The following PIP4K2A variants were observed in gnomAD, a reference collection of about 807,000 sequenced individuals.
PIP4K2A encodes the protein phosphatidylinositol 5-phosphate 4-kinase type-2 alpha.
PIP4K2A carries 14 observed loss-of-function variants against 42.9 expected under a neutral mutation model. The observed-to-expected ratio is 0.33, with a 90% CI of 0.22 to 0.51. The LOEUF (loss-of-function observed/expected upper bound fraction) is 0.51, where lower values mean the gene tolerates loss of function less well. Among genes scored for constraint, PIP4K2A ranks in the 20% least tolerant of loss-of-function variants. The probability of loss-of-function intolerance (pLI) is 0.97; values close to 1 mark genes in which losing one functional copy is unlikely to be tolerated. For missense variants in PIP4K2A, 434 were observed against 519.8 expected, an observed-to-expected ratio of 0.83 and a Z score of 1.61; for synonymous variants, 192 against 192.2, an observed-to-expected ratio of 1.00 and a Z score of 0.01.
intron 7 of PIP4K2A, 152 bp downstream of exon 7, chr10:22,550,507 C>T (rs1460646033): frequency 1.5e-5 from 10 of 653,434 alleles, no homozygotes; most frequent in Non-Finnish European, 2.7e-5. Context: ...GATCATGTAA[C>T]ATGAGACACC....
intron 6 of PIP4K2A, among the ~76,000 whole-genome samples, chr10:22,564,847 C>T (rs747398709): frequency 1.3e-5 from 2 of 152,228 alleles, no homozygotes; most frequent in African/African-American, 2.4e-5. Context: ...AGGTCCCCAG[C>T]GATTTCCCTG....
At chr10:22,674,195 C>G (rs912430695) in intron 1 of PIP4K2A, among the ~76,000 whole-genome samples, 1 of 152,136 alleles carries the variant, frequency 6.6e-6, no homozygotes, top group Non-Finnish European at 1.5e-5. Flanking sequence ...TTCCAGCAAC[C>G]AGCAGACACT....
chr10:22,690,116 C>G (rs1839834928), intron 1 of PIP4K2A, among the ~76,000 whole-genome samples: 1 of 152,116 alleles, frequency 6.6e-6, no homozygotes. Flanking sequence ...TAAATAACAG[C>G]AAACAGGGCC....
At chr10:22,576,543 A>G (rs148764728) in intron 4 of PIP4K2A, among the ~76,000 whole-genome samples, 1 of 152,300 alleles carries the variant, frequency 6.6e-6, no homozygotes, top group East Asian at 1.9e-4. Flanking sequence ...TACACAGCTA[A>G]GAGCCCTCCC....
intron 1 of PIP4K2A, among the ~76,000 whole-genome samples, chr10:22,624,109 C>G (rs1838388159): frequency 6.6e-6 from 1 of 152,178 alleles, no homozygotes; most frequent in Non-Finnish European, 1.5e-5. Flanking sequence ...TGAAGACAAA[C>G]AACTCTAGTT....
At chr10:22,604,731 G>T (rs542203244) in intron 3 of PIP4K2A, among the ~76,000 whole-genome samples, 1 of 152,150 alleles carries the variant, frequency 6.6e-6, no homozygotes, top group South Asian at 2.1e-4. Flanking sequence ...AGAGGCGGCC[G>T]GTGGGAGACT....
Position 22,591,723 on chromosome 10 carries a change from C to T in PIP4K2A, c.398G>A (p.Arg133His), listed in dbSNP as rs1474783370. 15 of 1,613,472 alleles carry T rather than the reference C, an allele frequency of 9.3e-6. No individual in the cohort carries two copies. Among genetic ancestry groups the T allele is most frequent in the Admixed American group, 6.7e-5 (4 of 59,950 alleles). Reference sequence around the variant, plus strand: ...TCTTTTGTCGTAGGAAGTGTGAAAACGAGCTCCACTGCGGGCCTGGGAGTC... The same window carrying T: ...TCTTTTGTCGTAGGAAGTGTGAAAATGAGCTCCACTGCGGGCCTGGGAGTC... ...PNDSQARSGA[R>H]FHTSYDKRYI... Residue 133 changes from arginine to histidine, a missense_variant, in exon 4 of 10, where the codon CGT becomes CAT. Arg to His is a conservative substitution (Grantham distance 29). Transcript: ENST00000376573.
At chr10:22,671,568 T>C (rs766794203) in intron 1 of PIP4K2A, among the ~76,000 whole-genome samples, 1 of 152,120 alleles carries the variant, frequency 6.6e-6, no homozygotes, top group Non-Finnish European at 1.5e-5. Flanking sequence ...GCTCCGAGGC[T>C]GTGCGAGTCA....
At chr10:22,664,090 C>CATATATATATACAT (rs1839272558) in intron 1 of PIP4K2A, among the ~76,000 whole-genome samples, 1 of 64,046 alleles carries the variant, frequency 1.6e-5, no homozygotes, top group Non-Finnish European at 2.5e-5. Flanking sequence ...TATATATATA[C>CATATATATATACAT]ATATATATAT....
At chr10:22,608,123 T>C in intron 2 of PIP4K2A, 100 bp from the exon 3 acceptor site, 2 of 707,038 alleles carry the variant, frequency 2.8e-6, no homozygotes, top group South Asian at 3.9e-5. Context: ...GGTTCAGAGT[T>C]CACTGCCTAC....
At chr10:22,556,155 A>G (rs927277977) in intron 6 of PIP4K2A, among the ~76,000 whole-genome samples, 2 of 152,202 alleles carry the variant, frequency 1.3e-5, no homozygotes, top group Non-Finnish European at 2.9e-5. Flanking sequence ...CCTACCATAC[A>G]TGAGGGCAAA....
chr10:22,646,758 C>G (rs1302521840), intron 1 of PIP4K2A, among the ~76,000 whole-genome samples: 1 of 152,110 alleles, frequency 6.6e-6, no homozygotes, highest in East Asian at 1.9e-4. Flanking sequence ...TTTGCACCCA[C>G]CTGTGGAGTC....
At chr10:22,713,871 C>T (rs1205930107) in intron 1 of PIP4K2A, 1 of 204,608 alleles carries the variant, frequency 4.9e-6, no homozygotes. Context: ...TCCCAGGCTG[C>T]GGGGACCGAC....
intron 1 of PIP4K2A, among the ~76,000 whole-genome samples, chr10:22,623,617 G>C (rs1222005206): frequency 6.6e-6 from 1 of 152,154 alleles, no homozygotes; most frequent in Non-Finnish European, 1.5e-5. Context: ...GGTTGGCAGG[G>C]GACGTCCGTG....
intron 7 of PIP4K2A, among the ~76,000 whole-genome samples, chr10:22,542,485 T>C (rs1369514941): frequency 6.6e-6 from 1 of 152,206 alleles, no homozygotes; most frequent in African/African-American, 2.4e-5. Flanking sequence ...CACCCTGGAA[T>C]TCAGCATGCT....
intron 4 of PIP4K2A, among the ~76,000 whole-genome samples, chr10:22,583,241 G>A (rs1024031221): frequency 2.6e-5 from 4 of 152,324 alleles, no homozygotes; most frequent in East Asian, 1.9e-4. Context: ...GCTGCTCCAC[G>A]TATGACCGCT....
At chr10:22,672,273 CG>C (rs968346985) in intron 1 of PIP4K2A, among the ~76,000 whole-genome samples, 1 of 129,664 alleles carries the variant, frequency 7.7e-6, no homozygotes, top group African/African-American at 2.9e-5. Flanking sequence ...AGCTCTGGGT[CG>C]GGGGGACAGT....
chr10:22,627,265 A>G (rs933806798), intron 1 of PIP4K2A, among the ~76,000 whole-genome samples: 4 of 152,124 alleles, frequency 2.6e-5, no homozygotes, highest in Admixed American at 2.0e-4. Context: ...GGAAACCTCT[A>G]AAAATTCTTC....
chr10:22,683,486 T>C (rs1237180883), intron 1 of PIP4K2A, among the ~76,000 whole-genome samples: 1 of 152,184 alleles, frequency 6.6e-6, no homozygotes. Flanking sequence ...TGTTTGCTCA[T>C]CTGTCAAATG....
Sources: allele counts gnomAD v4.1 joint callset (sites outside exome capture counted in the v4.1 genomes callset), GRCh38; gene constraint gnomAD v4.1.1; transcripts MANE v1.5; gene names NCBI Gene and HGNC (gene_info 2026-07-23, HGNC 2026-07-21).